The following SMIM41 variants were observed in gnomAD, a reference collection of about 807,000 sequenced individuals.
SMIM41 encodes the protein small integral membrane protein 41.
At position 52,079,785 on chromosome 12, in the gene SMIM41, CG is replaced by C. The variant is rs1263379432; in HGVS notation, c.8del (p.Gly3AlafsTer13). On this transcript the variant is annotated frameshift_variant, in exon 1 of 3. Transcript: ENST00000546390. LOFTEE classifies it high-confidence loss of function. MN[G>X]SQAGAAAQAA... is the part of the protein sequence containing the mutation. ...TGGGCAGCCGGCGCTGGAGCATGAA[CG>C]GCTCTCAGGCGGGCGCCGCGGCTCA... 2.5e-6 allele frequency: 1 copy of C among 393,388 alleles called. No homozygotes were observed. Among genetic ancestry groups the C allele is most frequent in the East Asian group, 3.6e-5 (1 of 27,628 alleles). 24.4% of individuals were successfully genotyped at this position (393,388 alleles called of 1,614,324 possible).
chr12:52,104,902 T>C (rs182003487), intron 2 of SMIM41, among the ~76,000 whole-genome samples: 63 of 152,324 alleles, frequency 4.1e-4, no homozygotes, highest in African/African-American at 1.3e-3. Context: ...GGCTCTGAGC[T>C]CTGTGGTCTA....
At chr12:52,093,125 G>A (rs911114045) in intron 2 of SMIM41, among the ~76,000 whole-genome samples, 1 of 152,140 alleles carries the variant, frequency 6.6e-6, no homozygotes, top group Non-Finnish European at 1.5e-5. Context: ...TTGAACCCGG[G>A]AGGCAGTGGG....
At chr12:52,106,649 C>T (rs1690616050) in intron 2 of SMIM41, among the ~76,000 whole-genome samples, 1 of 152,082 alleles carries the variant, frequency 6.6e-6, no homozygotes, top group African/African-American at 2.4e-5. Context: ...GCCAAACTTT[C>T]TGATGAAAAC....
At chr12:52,101,198 G>C (rs1357864837) in intron 2 of SMIM41, among the ~76,000 whole-genome samples, 1 of 152,138 alleles carries the variant, frequency 6.6e-6, no homozygotes, top group Non-Finnish European at 1.5e-5. Context: ...CGAGTCACAC[G>C]GATCACTTGA....
At position 52,107,886 on chromosome 12, in the gene SMIM41, A is replaced by T; in HGVS notation, c.*703A>T. 1 of 278,670 alleles carries T rather than the reference A, an allele frequency of 3.6e-6. No individual in the cohort carries two copies. The highest frequency in any genetic ancestry group is 7.0e-6 in the Non-Finnish European group (1 of 143,376). The allele number at this position is 278,670 out of a possible 1,614,324, so 17.3% of individuals were successfully genotyped here. A position where few individuals can be genotyped will look rare whatever the true frequency, so the allele number is the denominator to read the frequency against. On this transcript the variant is annotated 3_prime_UTR_variant, in exon 3 of 3. Transcript: ENST00000546390. The stretch of plus-strand genomic sequence containing the variant: ...CTAATTTCTTCTGTGACCTTTCTCA[A>T]CTCCCCCATCTTGCCGTTGTGACAC...
intron 2 of SMIM41, among the ~76,000 whole-genome samples, chr12:52,102,650 G>A (rs1940240535): frequency 6.6e-6 from 1 of 152,156 alleles, no homozygotes; most frequent in Non-Finnish European, 1.5e-5. Context: ...ACTAATCATA[G>A]GGAAGCACAA....
rs918324498 is a variant in SMIM41, at chr12:52,081,629, C to T, written c.*120+1448C>T. On this transcript the variant is annotated intron_variant, in intron 1 of 2. Transcript: ENST00000546390. This position sits in a 1 kb window ranked among gnomAD's most constrained non-coding sequence, Gnocchi z 4.1. Reference sequence around the variant, plus strand: ...CAGGGGGCTGGGCCCAGGGGACATTCCCCCCTCCCTTTGCTGGGGGAGAGG... The same window carrying T: ...CAGGGGGCTGGGCCCAGGGGACATTTCCCCCTCCCTTTGCTGGGGGAGAGG... Among the ~76,000 whole-genome samples the T allele has an allele frequency of 1.3e-5, 2 of 152,208 alleles. No homozygotes were observed. Among genetic ancestry groups the T allele is most frequent in the Admixed American group, 1.3e-4 (2 of 15,294 alleles).
chr12:52,090,667 G>T (rs1391631341), intron 2 of SMIM41, among the ~76,000 whole-genome samples: 1 of 152,210 alleles, frequency 6.6e-6, no homozygotes, highest in Non-Finnish European at 1.5e-5. Flanking sequence ...AGCCACTGAA[G>T]AGTGTGCTCT....
chr12:52,106,011 A>G (rs1219396356), intron 2 of SMIM41, among the ~76,000 whole-genome samples: 1 of 152,214 alleles, frequency 6.6e-6, no homozygotes, highest in East Asian at 1.9e-4. Context: ...TCTATGATGG[A>G]TGCATAAAGT....
chr12:52,098,482 C>T (rs533706747), intron 2 of SMIM41, among the ~76,000 whole-genome samples: 5 of 145,432 alleles, frequency 3.4e-5, no homozygotes, highest in African/African-American at 1.3e-4. Context: ...ATCATCGTCT[C>T]CCCTCATGAA....
At chr12:52,104,429 C>A (rs1299167693) in intron 2 of SMIM41, 1 of 166,576 alleles carries the variant, frequency 6.0e-6, no homozygotes, top group Non-Finnish European at 1.3e-5. Flanking sequence ...TTCTTGCCAG[C>A]CTTGAGGATG....
chr12:52,089,843 C>A (rs533631415), intron 2 of SMIM41, among the ~76,000 whole-genome samples: 21 of 152,312 alleles, frequency 1.4e-4, no homozygotes, highest in African/African-American at 4.8e-4. Flanking sequence ...TTCAGTATGA[C>A]CTCGTCTTAA....
chr12:52,098,701 C>A (rs534701055), intron 2 of SMIM41, among the ~76,000 whole-genome samples: 2 of 149,268 alleles, frequency 1.3e-5, no homozygotes, highest in Admixed American at 6.7e-5. Flanking sequence ...GAAGTATCAT[C>A]CTCTCCCCCC....
At chr12:52,083,654 C>A (rs144183467) in intron 1 of SMIM41, among the ~76,000 whole-genome samples, 1 of 152,314 alleles carries the variant, frequency 6.6e-6, no homozygotes, top group African/African-American at 2.4e-5. Context: ...GGGTCTGTCT[C>A]ATCAGAGTCC....
At chr12:52,097,276 C>T (rs1409415171) in intron 2 of SMIM41, among the ~76,000 whole-genome samples, 1 of 152,070 alleles carries the variant, frequency 6.6e-6, no homozygotes. Context: ...TATCACCCCC[C>T]TCTCTTTCCC....
Position 52,079,757 on chromosome 12 carries a change from A to G in SMIM41, c.-23A>G, listed in dbSNP as rs1939790147. ...CCTGCACATCTGGCGATCCCGCCACATCTGGGCAGCCGGCGCTGGAGCATG... is the reference window on the plus strand; with the variant it reads ...CCTGCACATCTGGCGATCCCGCCACGTCTGGGCAGCCGGCGCTGGAGCATG... On this transcript the variant is annotated 5_prime_UTR_variant, in exon 1 of 3. Transcript: ENST00000546390. The G allele has an allele frequency of 5.1e-6, 2 of 392,704 alleles. No homozygotes were observed. The highest frequency in any genetic ancestry group is 4.1e-5 in the African/African-American group (2 of 48,426). The allele number at this position is 392,704 out of a possible 1,614,324, so 24.3% of individuals were successfully genotyped here. A position where few individuals can be genotyped will look rare whatever the true frequency, so the allele number is the denominator to read the frequency against.
intron 2 of SMIM41, among the ~76,000 whole-genome samples, chr12:52,099,128 C>T (rs114447112): frequency 3.9e-5 from 6 of 151,966 alleles, no homozygotes; most frequent in Non-Finnish European, 7.4e-5. Context: ...ATGTGTGTAC[C>T]CCCTGCGATA....
chr12:52,108,040 A>T lies in SMIM41; in HGVS notation c.*857A>T, dbSNP rs1940376080. The T allele has an allele frequency of 4.2e-6, 1 of 238,404 alleles. No homozygotes were observed. Among genetic ancestry groups the T allele is most frequent in the Admixed American group, 5.2e-5 (1 of 19,240 alleles). The allele number at this position is 238,404 out of a possible 1,614,324, so 14.8% of individuals were successfully genotyped here. A position where few individuals can be genotyped will look rare whatever the true frequency, so the allele number is the denominator to read the frequency against. On this transcript the variant is annotated 3_prime_UTR_variant, in exon 3 of 3. Coordinates refer to ENST00000546390, the MANE Select transcript of SMIM41 (RefSeq NM_001369216.1). ...AGGGTTTCATCATCAGGTGGGAAGT[A>T]TAAAGCCTTCTCCACCTGTGGGTCT...
intron 1 of SMIM41, among the ~76,000 whole-genome samples, chr12:52,083,677 G>A (rs143195264): frequency 9.2e-5 from 14 of 152,284 alleles, no homozygotes; most frequent in African/African-American, 3.1e-4. Flanking sequence ...CCTGAGCCTC[G>A]GCTTTGAGAT....
Sources: gnomAD v4.1 joint callset for allele counts (sites outside exome capture counted in the v4.1 genomes callset) on GRCh38, gnomAD v4.1.1 for gene constraint, Gnocchi (gnomAD v3.1) non-coding constraint, MANE v1.5 for transcripts, NCBI Gene and HGNC (gene_info 2026-07-23, HGNC 2026-07-21) for gene names.